The following CC2D2A variants were observed in gnomAD, a reference collection of about 807,000 sequenced individuals.
The protein encoded by CC2D2A is coiled-coil and C2 domain-containing protein 2A.
CC2D2A carries 155 observed loss-of-function variants against 212.9 expected under a neutral mutation model. The ratio of observed to expected loss-of-function variants is 0.73; its 90% CI spans 0.64 to 0.83. CC2D2A has a LOEUF of 0.83. Ranked by LOEUF, CC2D2A falls within the 40% of genes least tolerant of loss-of-function variation. The pLI, the probability that CC2D2A is intolerant of heterozygous loss-of-function variation, is 0.00. For missense variants in CC2D2A, 1,856 were observed against 1,956.2 expected (o/e 0.95, Z 0.97); for synonymous variants, 667 against 686.5 (o/e 0.97, Z 0.44).
At chr4:15,553,840 C>T (rs1024195000) in intron 19 of CC2D2A, among the ~76,000 whole-genome samples, 12 of 152,172 alleles carry the variant, frequency 7.9e-5, no homozygotes, top group African/African-American at 2.4e-4. Context: ...TGTGGTAGCC[C>T]GTGGCCTGGG....
chr4:15,480,779 G>A lies in CC2D2A; in HGVS notation c.199G>A (p.Glu67Lys), dbSNP rs770174116. ...CAACCCCCAGGAGCCTGTGCAGGAG[G>A]AGCCCAAGACCCGCCTCCTGAGTAT... Reference protein sequence around the residue: ...LGNPQEPVQEEPKTRLLSMTV... With the variant: ...LGNPQEPVQEKPKTRLLSMTV... Residue 67 changes from glutamate (E) to lysine (K), a missense_variant, in exon 4 of 37, where the codon GAG becomes AAG. Glu to Lys is a moderately conservative substitution (Grantham distance 56, BLOSUM62 1). Around this residue, in one of 5 missense-constraint regions of CC2D2A, gnomAD observed 1,512 missense variants for 1,579.3 expected, o/e 0.96. Coordinates refer to ENST00000424120, the MANE Select transcript of CC2D2A (RefSeq NM_001378615.1). 6 of 1,613,430 alleles carry A rather than the reference G, an allele frequency of 3.7e-6. No homozygotes were observed. Among genetic ancestry groups the A allele is most frequent in the Admixed American group, 3.3e-5 (2 of 59,948 alleles).
intron 1 of CC2D2A, among the ~76,000 whole-genome samples, chr4:15,470,696 T>TA (rs1553895229): frequency 1.4e-4 from 4 of 28,244 alleles, no homozygotes; most frequent in African/African-American, 8.2e-4. Flanking sequence ...TCTCTATATA[T>TA]ATATATATAT....
chr4:15,600,415 A>G (rs762710643), intron 36 of CC2D2A, among the ~76,000 whole-genome samples: 1 of 152,174 alleles, frequency 6.6e-6, no homozygotes, highest in Non-Finnish European at 1.5e-5. Context: ...CTTCCGTATG[A>G]TGGCATCATC....
chr4:15,559,271 T>C lies in CC2D2A; in HGVS notation c.2922+14T>C, dbSNP rs375756726. On this transcript the variant is annotated intron_variant, in intron 22 of 36. Transcript: ENST00000424120. ...TACCTCCAGCAGGTAAGAAAAATCA[T>C]ATAAAACTGTCTTCATAGGGAGAAA... 16 of 1,496,180 alleles carry C rather than the reference T, an allele frequency of 1.1e-5. No homozygotes were observed. The highest frequency in any genetic ancestry group is 5.6e-5 in the African/African-American group (4 of 71,918). The allele number at this position is 1,496,180 out of a possible 1,614,324, so 92.7% of individuals were successfully genotyped here. A position where few individuals can be genotyped will look rare whatever the true frequency, so the allele number is the denominator to read the frequency against.
At chr4:15,592,440 C>G (rs1721150317) in intron 33 of CC2D2A, among the ~76,000 whole-genome samples, 1 of 152,188 alleles carries the variant, frequency 6.6e-6, no homozygotes, top group African/African-American at 2.4e-5. Context: ...CTGAGAAGCA[C>G]CATTGTCTTG....
chr4:15,590,129 C>A (rs567209398), intron 33 of CC2D2A, among the ~76,000 whole-genome samples: 1 of 152,310 alleles, frequency 6.6e-6, no homozygotes, highest in South Asian at 2.1e-4. Context: ...TCTCACCTGG[C>A]CTGCAATATC....
intron 20 of CC2D2A, among the ~76,000 whole-genome samples, chr4:15,555,670 T>A (rs1329278977): frequency 6.6e-6 from 1 of 152,178 alleles, no homozygotes; most frequent in Non-Finnish European, 1.5e-5. Flanking sequence ...GTCCACAAGG[T>A]TGAGGCTTCA....
chr4:15,557,823 A>C (rs978565963), intron 21 of CC2D2A, among the ~76,000 whole-genome samples: 1 of 152,240 alleles, frequency 6.6e-6, no homozygotes, highest in Non-Finnish European at 1.5e-5. Flanking sequence ...CTAGTTAATT[A>C]TTAACATGGC....
chr4:15,515,406 T>C (rs1226697780), intron 9 of CC2D2A, among the ~76,000 whole-genome samples: 1 of 152,214 alleles, frequency 6.6e-6, no homozygotes, highest in African/African-American at 2.4e-5. Context: ...AATGAGGTAA[T>C]GATCACGTTC....
At chr4:15,474,990 T>C (rs1323453079) in intron 1 of CC2D2A, among the ~76,000 whole-genome samples, 1 of 152,202 alleles carries the variant, frequency 6.6e-6, no homozygotes, top group Non-Finnish European at 1.5e-5. Context: ...AGAGGGCTTT[T>C]TTTGGCCGGG....
Position 15,489,005 on chromosome 4 carries a change from C to T in CC2D2A, c.247+8178C>T, listed in dbSNP as rs557233324. 5.3e-5 allele frequency among the ~76,000 whole-genome samples: 8 copies of T among 152,310 alleles called. No individual in the cohort carries two copies. In the South Asian group the frequency reaches 1.2e-3, roughly 24 times the overall value. ...AAAGTACACACACTCCCCCATGATT[C>T]CATCTTGCACCATCTCTTGAGGGAG... On this transcript the variant is annotated intron_variant, in intron 4 of 36. Transcript: ENST00000424120.
chr4:15,510,348 C>T lies in CC2D2A; in HGVS notation c.540+108C>T, dbSNP rs771831935. ...TGGTGGCTCACGCCTGCAATCCCAG[C>T]GCTTTGGGAGGCCAAGACAGGCAGA... On this transcript the variant is annotated intron_variant, in intron 7 of 36. Transcript: ENST00000424120. 1.3e-4 allele frequency: 124 copies of T among 923,916 alleles called. No homozygotes were observed. In the Admixed American group the frequency reaches 1.5e-3, roughly 11 times the overall value. The allele number at this position is 923,916 out of a possible 1,614,324, so 57.2% of individuals were successfully genotyped here.
rs918403472 is a variant in CC2D2A, at chr4:15,514,767, G to A, written c.778G>A (p.Val260Met). The A allele has an allele frequency of 2.7e-5, 43 of 1,612,906 alleles. No homozygotes were observed. The highest frequency in any genetic ancestry group is 6.7e-5 in the Admixed American group (4 of 59,970). Residue 260 changes from valine (V) to methionine (M), a missense_variant, in exon 9 of 37, where the codon GTG becomes ATG. Transcript: ENST00000424120. ...GGACTTCCTATTGGGCTTAGATCAC[G>A]TGGCTGACGATTTTGTAGCAGTCAG... The part of the protein sequence containing the change: ...AEDFLLGLDH[V>M]ADDFVAVRPA...
At chr4:15,519,167 T>G in intron 11 of CC2D2A, 1 of 241,998 alleles carries the variant, frequency 4.1e-6, no homozygotes, top group South Asian at 4.3e-5. Context: ...GCTTAGAAAT[T>G]TCTTCTGCCA....
Position 15,550,938 on chromosome 4 carries a change from A to G in CC2D2A, c.2296A>G (p.Ser766Gly), listed in dbSNP as rs775513819. The G allele has an allele frequency of 6.2e-7, 1 of 1,607,370 alleles. No homozygotes were observed. Among genetic ancestry groups the G allele is most frequent in the Admixed American group, 1.7e-5 (1 of 59,978 alleles). Residue 766 changes from serine (S) to glycine (G), a missense_variant, in exon 18 of 37, where the codon AGT becomes GGT. Coordinates refer to ENST00000424120, the MANE Select transcript of CC2D2A (RefSeq NM_001378615.1). ...RAPTEEVEFS[S>G]NQHVTLDHEG... The stretch of plus-strand genomic sequence containing the variant: ...TCCTACTGAAGAAGTGGAGTTTAGC[A>G]GTAATCAGCATGTGACACTGGACCA...
intron 32 of CC2D2A, among the ~76,000 whole-genome samples, 197 bp from the exon 33 acceptor site, chr4:15,589,348 G>C (rs563008251): frequency 6.6e-6 from 1 of 152,188 alleles, no homozygotes; most frequent in East Asian, 1.9e-4. Context: ...TCAGATGCAA[G>C]AATTTTGCAA....
At chr4:15,476,633 C>A (rs771252313) in intron 2 of CC2D2A, among the ~76,000 whole-genome samples, 35 of 152,216 alleles carry the variant, frequency 2.3e-4, no homozygotes, top group Non-Finnish European at 3.5e-4. Flanking sequence ...TGACACACAG[C>A]AGCTCAAAGT....
chr4:15,555,250 C>T (rs758252447), intron 20 of CC2D2A, 40 bp downstream of exon 20: 1 of 1,599,666 alleles, frequency 6.3e-7, no homozygotes, highest in Non-Finnish European at 8.5e-7. Context: ...CTTGACTTGG[C>T]CTTTTACACA....
Position 15,538,209 on chromosome 4 carries a change from A to G in CC2D2A, c.2003+72A>G. The G allele has an allele frequency of 4.2e-6, 6 of 1,414,048 alleles. No individual in the cohort carries two copies. The South Asian group carries it at 7.5e-5, about 18-fold the overall frequency. The allele number at this position is 1,414,048 out of a possible 1,614,324, so 87.6% of individuals were successfully genotyped here. On this transcript the variant is annotated intron_variant, in intron 16 of 36. Coordinates refer to ENST00000424120, the MANE Select transcript of CC2D2A (RefSeq NM_001378615.1). ...TGTTCACGTGGGCACATGCACACAC[A>G]CATGCACGACATGGGGAGTGTACAC...
Sources: allele counts gnomAD v4.1 joint callset (sites outside exome capture counted in the v4.1 genomes callset), GRCh38; gene constraint gnomAD v4.1.1; regional missense constraint gnomAD v4.1.1; transcripts MANE v1.5; gene names NCBI Gene and HGNC (gene_info 2026-07-23, HGNC 2026-07-21).